The following STX11 variants were observed in gnomAD, a reference collection of about 807,000 sequenced individuals.
The protein encoded by STX11 is syntaxin-11.
STX11 carries 21 observed loss-of-function variants against 19.9 expected under a neutral mutation model. The ratio of observed to expected loss-of-function variants is 1.06; its 90% CI spans 0.75 to 1.52. The LOEUF is 1.52. Ranked by LOEUF, STX11 falls within the 40% of genes most tolerant of loss-of-function variation. STX11 has a pLI of 0.00. For missense variants in STX11, 438 were observed against 405.9 expected (o/e 1.08, Z -0.68); for synonymous variants, 193 against 174.4 (o/e 1.11, Z -0.84).
chr6:144,158,790 A>G (rs1336621437), intron 1 of STX11, among the ~76,000 whole-genome samples: 1 of 152,240 alleles, frequency 6.6e-6, no homozygotes, highest in Non-Finnish European at 1.5e-5. Flanking sequence ...GACATTGGCA[A>G]TGATTTTTTC....
intron 1 of STX11, among the ~76,000 whole-genome samples, chr6:144,156,014 C>CTTTCTT (rs1302703326): frequency 3.7e-4 from 43 of 114,894 alleles, no homozygotes; most frequent in African/African-American, 1.9e-3. Flanking sequence ...TTCTTTCTTT[C>CTTTCTT]TCTCTTTCTC....
rs1802175851 is a variant in STX11, at chr6:144,190,026, A to G, written c.*2535A>G. On this transcript the variant is annotated 3_prime_UTR_variant, in exon 2 of 2. Coordinates refer to ENST00000367568, the MANE Select transcript of STX11 (RefSeq NM_003764.4). ...TTTGCTTGGAACCATTATAAAAGTA[A>G]GTGAGTTTTCAGGCTCTATATACAT... Among the ~76,000 whole-genome samples, 2 of 152,236 alleles carry G rather than the reference A, an allele frequency of 1.3e-5. No individual in the cohort carries two copies. Among genetic ancestry groups the G allele is most frequent in the Non-Finnish European group, 2.9e-5 (2 of 68,044 alleles).
intron 1 of STX11, among the ~76,000 whole-genome samples, chr6:144,166,740 G>A (rs1801492416): frequency 6.7e-6 from 1 of 150,360 alleles, no homozygotes; most frequent in South Asian, 2.1e-4. Flanking sequence ...TGGCCAGGCT[G>A]GTCTCAAACT....
upstream of STX11, among the ~76,000 whole-genome samples, chr6:144,146,337 A>G (rs6921381): frequency 0.12 from 17,623 of 152,192 alleles, 1,733 homozygotes; most frequent in African/African-American, 0.25. This position sits in a 1 kb window ranked among gnomAD's most constrained non-coding sequence, Gnocchi z 4.4. Flanking sequence ...CCAGACTGGA[A>G]GGGAGAGCCA....
rs1425463156 is a variant in STX11, at chr6:144,187,506, C to T, written c.*15C>T. ...GCCTCAAGTAGCAGGCCGGCCCGGGCCGCCACCGCCCATCCCAGACCATGG... is the reference window on the plus strand; with the variant it reads ...GCCTCAAGTAGCAGGCCGGCCCGGGTCGCCACCGCCCATCCCAGACCATGG... On this transcript the variant is annotated 3_prime_UTR_variant, in exon 2 of 2. Coordinates refer to ENST00000367568, the MANE Select transcript of STX11 (RefSeq NM_003764.4). The surrounding 1 kb of genome is among the most constrained non-coding windows in gnomAD (Gnocchi z 5.6). The T allele has an allele frequency of 6.2e-7, 1 of 1,611,434 alleles. No individual in the cohort carries two copies. The highest frequency in any genetic ancestry group is 2.2e-5 in the East Asian group (1 of 44,876).
Position 144,177,477 on chromosome 6 carries a change from G to A in STX11, c.-5-9146G>A, listed in dbSNP as rs936387041. Among the ~76,000 whole-genome samples, 9 of 152,280 alleles carry A rather than the reference G, an allele frequency of 5.9e-5. No homozygotes were observed. Among genetic ancestry groups the A allele is most frequent in the South Asian group, 4.1e-4 (2 of 4,826 alleles). ...CTTAGCTCATCTACTGGCTGGGAGCGGTGGCTCACGCCTGTAATCCCAGCA... is the reference window on the plus strand; with the variant it reads ...CTTAGCTCATCTACTGGCTGGGAGCAGTGGCTCACGCCTGTAATCCCAGCA... On this transcript the variant is annotated intron_variant, in intron 1 of 1. Transcript: ENST00000367568. The surrounding 1 kb of genome is among the most constrained non-coding windows in gnomAD (Gnocchi z 4.4).
intron 1 of STX11, among the ~76,000 whole-genome samples, chr6:144,158,377 G>A (rs1193800941): frequency 6.6e-6 from 1 of 152,138 alleles, no homozygotes; most frequent in African/African-American, 2.4e-5. Flanking sequence ...TGGTGTCCCT[G>A]GCTTGGCCTT....
Position 144,152,769 on chromosome 6 carries a change from G to A in STX11, c.-6+2066G>A, listed in dbSNP as rs1801038181. Among the ~76,000 whole-genome samples the A allele has an allele frequency of 6.6e-6, 1 of 152,204 alleles. No individual in the cohort carries two copies. The highest frequency in any genetic ancestry group is 1.5e-5 in the Non-Finnish European group (1 of 68,028). On this transcript the variant is annotated intron_variant, in intron 1 of 1. Coordinates refer to ENST00000367568, the MANE Select transcript of STX11 (RefSeq NM_003764.4). This position sits in a 1 kb window ranked among gnomAD's most constrained non-coding sequence, Gnocchi z 4.9. The stretch of plus-strand genomic sequence containing the variant: ...GTGCTTCAGCGTCCCAAGTAGCTGG[G>A]ACTACAGACACCCACCACAACACCC...
rs891227871 is a variant in STX11, at chr6:144,152,374, G to A, written c.-6+1671G>A. Among the ~76,000 whole-genome samples the A allele has an allele frequency of 6.6e-6, 1 of 152,204 alleles. No homozygotes were observed. Among genetic ancestry groups the A allele is most frequent in the African/African-American group, 2.4e-5 (1 of 41,442 alleles). On this transcript the variant is annotated intron_variant, in intron 1 of 1. Coordinates refer to ENST00000367568, the MANE Select transcript of STX11 (RefSeq NM_003764.4). This position sits in a 1 kb window ranked among gnomAD's most constrained non-coding sequence, Gnocchi z 4.9. ...TGGGATTTGGAATGGACTGGGTCATGGCTGGAAGAGCAAGGAAACTTTTGA... is the reference window on the plus strand; with the variant it reads ...TGGGATTTGGAATGGACTGGGTCATAGCTGGAAGAGCAAGGAAACTTTTGA...
chr6:144,178,737 A>G (rs1801832736), intron 1 of STX11, among the ~76,000 whole-genome samples: 1 of 152,206 alleles, frequency 6.6e-6, no homozygotes, highest in Admixed American at 6.5e-5. Flanking sequence ...GTTATAAACC[A>G]TTTCAATTAA....
upstream of STX11, among the ~76,000 whole-genome samples, chr6:144,149,797 T>G (rs73778533): frequency 0.024 from 3,692 of 152,232 alleles, 160 homozygotes; most frequent in African/African-American, 0.084. The surrounding 1 kb of genome is among the most constrained non-coding windows in gnomAD (Gnocchi z 5.1). Flanking sequence ...TTTTTGAGTA[T>G]CACTTCCTTA....
Position 144,167,360 on chromosome 6 carries a change from T to C in STX11, c.-6+16657T>C, listed in dbSNP as rs1190469786. Among the ~76,000 whole-genome samples, 1 of 152,250 alleles carries C rather than the reference T, an allele frequency of 6.6e-6. No individual in the cohort carries two copies. The highest frequency in any genetic ancestry group is 2.1e-4 in the South Asian group (1 of 4,834). The stretch of plus-strand genomic sequence containing the variant: ...ATTTGCATATACATCATGAGATATC[T>C]TGGGGATAAGACCCAAATCTAAACA... On this transcript the variant is annotated intron_variant, in intron 1 of 1. Transcript: ENST00000367568. This position sits in a 1 kb window ranked among gnomAD's most constrained non-coding sequence, Gnocchi z 5.0.
Position 144,172,532 on chromosome 6 carries a change from A to G in STX11, c.-5-14091A>G, listed in dbSNP as rs1584040425. Among the ~76,000 whole-genome samples, 1 of 152,212 alleles carries G rather than the reference A, an allele frequency of 6.6e-6. No homozygotes were observed. The highest frequency in any genetic ancestry group is 2.4e-5 in the African/African-American group (1 of 41,444). ...GTAGAGAAACTGATTCAAAGGGTAG[A>G]GAGACCGACACCACTTCTTGATGGG... On this transcript the variant is annotated intron_variant, in intron 1 of 1. Coordinates refer to ENST00000367568, the MANE Select transcript of STX11 (RefSeq NM_003764.4). The surrounding 1 kb of genome is among the most constrained non-coding windows in gnomAD (Gnocchi z 4.2).
In STX11 at chr6:144,170,137, C is replaced by T. The variant is rs1305397385; in HGVS notation, c.-5-16486C>T. Among the ~76,000 whole-genome samples the T allele has an allele frequency of 1.3e-5, 2 of 152,184 alleles. No individual in the cohort carries two copies. The highest frequency in any genetic ancestry group is 4.8e-5 in the African/African-American group (2 of 41,444). ...CTTGATTTTCTTTGCTACAGATAAA[C>T]ATAAACGCTTCCCCTTTTTCTTGTC... On this transcript the variant is annotated intron_variant, in intron 1 of 1. Coordinates refer to ENST00000367568, the MANE Select transcript of STX11 (RefSeq NM_003764.4). This position sits in a 1 kb window ranked among gnomAD's most constrained non-coding sequence, Gnocchi z 4.7.
chr6:144,142,293 CAT>C, the STX11 span, among the ~76,000 whole-genome samples: 68 of 152,034 alleles, frequency 4.5e-4, no homozygotes, highest in African/African-American at 1.6e-3. Context: ...TTAATGATCT[CAT>C]GTTTGCTAAA....
rs1801055713 is a variant in STX11, at chr6:144,153,416, A to G, written c.-6+2713A>G. 6.6e-6 allele frequency among the ~76,000 whole-genome samples: 1 copy of G among 152,158 alleles called. No individual in the cohort carries two copies. Among genetic ancestry groups the G allele is most frequent in the Admixed American group, 6.5e-5 (1 of 15,274 alleles). On this transcript the variant is annotated intron_variant, in intron 1 of 1. Transcript: ENST00000367568. This position sits in a 1 kb window ranked among gnomAD's most constrained non-coding sequence, Gnocchi z 5.0. ...TTGTCTGCTGTAGGTGACCCAGCAG[A>G]AGGAACAGCACCCATAGAGAAGTGA...
intron 1 of STX11, among the ~76,000 whole-genome samples, chr6:144,181,751 A>G (rs142745288): frequency 3.9e-4 from 59 of 152,282 alleles, no homozygotes; most frequent in African/African-American, 1.2e-3. Flanking sequence ...GCTCTCCAGA[A>G]GATTCTGTCA....
intron 1 of STX11, among the ~76,000 whole-genome samples, chr6:144,171,758 T>C (rs1801644178): frequency 6.6e-6 from 1 of 152,072 alleles, no homozygotes; most frequent in African/African-American, 2.4e-5. Flanking sequence ...ACCACAGTCT[T>C]CAAAAAACAA....
rs4896705 is a variant in STX11, at chr6:144,189,284, A to C, written c.*1793A>C. Reference sequence around the variant, plus strand: ...CAATCCGCCCACCTTGGCCTCCCAAAGTGCTGAGATTACAGGCCTGAGCCA... The same window carrying C: ...CAATCCGCCCACCTTGGCCTCCCAACGTGCTGAGATTACAGGCCTGAGCCA... On this transcript the variant is annotated 3_prime_UTR_variant, in exon 2 of 2. Transcript: ENST00000367568. 0.28 allele frequency among the ~76,000 whole-genome samples: 43,126 copies of C among 152,152 alleles called. 6,411 individuals are homozygous for C. The highest frequency in any genetic ancestry group is 0.36 in the East Asian group (1,887 of 5,186).
Sources: gnomAD v4.1 joint callset for allele counts (sites outside exome capture counted in the v4.1 genomes callset) on GRCh38, gnomAD v4.1.1 for gene constraint, Gnocchi (gnomAD v3.1) non-coding constraint, MANE v1.5 for transcripts, NCBI Gene and HGNC (gene_info 2026-07-23, HGNC 2026-07-21) for gene names.